Variants in WDR72 observed in about 807,000 individuals in gnomAD.
The protein encoded by WDR72 is WD repeat domain 72, also known as WD repeat-containing protein 72.
WDR72 carries 120 observed loss-of-function variants against 124.2 expected under a neutral mutation model. The observed-to-expected ratio is 0.97, with a 90% confidence interval of 0.83 to 1.12. The LOEUF (loss-of-function observed/expected upper bound fraction) is 1.12, where lower values mean the gene tolerates loss of function less well. WDR72 is among the 50% of genes most tolerant of loss of function. The probability of loss-of-function intolerance (pLI) is 0.00; values close to 1 mark genes in which losing one functional copy is unlikely to be tolerated. For missense variants in WDR72, 1,387 were observed against 1,278.8 expected (o/e 1.08, Z -1.29); for synonymous variants, 452 against 441.7 (o/e 1.02, Z -0.29).
intron 14 of WDR72, among the ~76,000 whole-genome samples, chr15:53,646,009 G>C (rs1177909856): frequency 6.6e-6 from 1 of 152,164 alleles, no homozygotes; most frequent in Admixed American, 6.6e-5. Flanking sequence ...CTGGATGTAT[G>C]ATGACCCTAT....
chr15:53,715,158 A>T, intron 5 of WDR72, 35 bp downstream of exon 5: 4 of 1,605,926 alleles, frequency 2.5e-6, no homozygotes, highest in Non-Finnish European at 3.4e-6. Flanking sequence ...TTTTATATGC[A>T]ATCTCTCTAC....
intron 17 of WDR72, among the ~76,000 whole-genome samples, 169 bp downstream of exon 17, chr15:53,609,330 CTAGTGAATGGTGTA>C (rs2013431747): frequency 6.6e-6 from 1 of 152,094 alleles, no homozygotes; most frequent in Admixed American, 6.6e-5. Flanking sequence ...TCACGCTCCC[CTAGTGAATGGTGTA>C]CCCTTGCTTA....
rs764173020 is a variant in WDR72 at position 53,699,852 on chromosome 15, T to G, written c.1663A>C (p.Lys555Gln). Residue 555 changes from lysine to glutamine, a missense_variant, in exon 13 of 20, where the codon AAG (lysine) becomes CAG (glutamine). Coordinates refer to ENST00000360509, the MANE Select transcript of WDR72 (RefSeq NM_182758.4). ...ATCATCCTCACAGGAAAAAGGTGCT[T>G]CCGGGCATGCAGGAGGCAACTCTTT... ...EGKSCLLHAR[K>Q]HLFPVRMIKW... 1 of 1,614,080 alleles carries G rather than the reference T, an allele frequency of 6.2e-7. No homozygotes were observed. Among genetic ancestry groups the G allele is most frequent in the Non-Finnish European group, 8.5e-7 (1 of 1,180,004 alleles).
intron 3 of WDR72, 30 bp from the exon 4 acceptor site, chr15:53,716,715 T>C (rs1017855416): frequency 2.6e-6 from 4 of 1,518,568 alleles, no homozygotes; most frequent in Non-Finnish European, 2.7e-6. Flanking sequence ...TGTTATTCTC[T>C]GTCATTTCCA....
At chr15:53,746,026 AAC>A (rs1431091533) in intron 1 of WDR72, among the ~76,000 whole-genome samples, 5 of 152,224 alleles carry the variant, frequency 3.3e-5, no homozygotes, top group African/African-American at 4.8e-5. Context: ...AATCAAGCAA[AAC>A]AAGAGCAATA....
At chr15:53,752,000 A>G (rs763675314) in intron 1 of WDR72, among the ~76,000 whole-genome samples, 2 of 152,198 alleles carry the variant, frequency 1.3e-5, no homozygotes, top group Non-Finnish European at 2.9e-5. Context: ...AGGTTTTTCA[A>G]ATCTCAAAAT....
chr15:53,629,925 C>T (rs1322940776), intron 14 of WDR72, among the ~76,000 whole-genome samples: 1 of 152,142 alleles, frequency 6.6e-6, no homozygotes, highest in East Asian at 1.9e-4. Flanking sequence ...TGAGGAGTCC[C>T]ATTTACCAAC....
chr15:53,710,388 C>G (rs1315466465), intron 9 of WDR72, among the ~76,000 whole-genome samples: 16 of 85,972 alleles, frequency 1.9e-4, no homozygotes, highest in Admixed American at 1.5e-3. Context: ...GAGAGAGAGA[C>G]AGAGAATGAG....
chr15:53,588,293 G>A lies in WDR72; in HGVS notation c.3148+8786C>T, dbSNP rs75878396. Among the ~76,000 whole-genome samples the A allele has an allele frequency of 4.1e-3, 616 of 152,090 alleles. 7 individuals are homozygous for A. Among genetic ancestry groups the A allele is most frequent in the African/African-American group, 0.014 (587 of 41,520 alleles). On this transcript the variant is annotated intron_variant, in intron 18 of 19. Coordinates refer to ENST00000360509, the MANE Select transcript of WDR72 (RefSeq NM_182758.4). ...GCTGCTAGGAGCACAAGATTAATAA[G>A]TTCCAACTTTTGCCCTCAAGGAGTT... is the stretch of plus-strand genomic sequence containing the variant.
At chr15:53,565,357 A>T (rs945828174) in intron 18 of WDR72, among the ~76,000 whole-genome samples, 2 of 151,922 alleles carry the variant, frequency 1.3e-5, no homozygotes, top group African/African-American at 2.4e-5. Flanking sequence ...TAAAAAGAAT[A>T]AACAATGAAA....
chr15:53,756,728 C>G (rs542820972), intron 1 of WDR72: 5 of 152,272 alleles, frequency 3.3e-5, no homozygotes, highest in African/African-American at 9.6e-5. Context: ...TTCATGCGGT[C>G]CTCATAATAT....
At chr15:53,582,342 T>C (rs16966234) in intron 18 of WDR72, among the ~76,000 whole-genome samples, 2,321 of 152,110 alleles carry the variant, frequency 0.015, 58 homozygotes, top group African/African-American at 0.053. Context: ...TTTCCCTGCA[T>C]AGACTTCTTC....
Position 53,726,413 on chromosome 15 carries a change from T to C in WDR72, c.154-3505A>G, listed in dbSNP as rs981493362. 9.2e-5 allele frequency among the ~76,000 whole-genome samples: 14 copies of C among 151,494 alleles called. No individual in the cohort carries two copies. In the East Asian group the frequency reaches 2.3e-3, roughly 25 times the overall value. ...CCTGTACCTTCCAGTCAGTTTTGCT[T>C]TAAACCTAAAACTGCTTTCAAAAAT... On this transcript the variant is annotated intron_variant, in intron 2 of 19. Coordinates refer to ENST00000360509, the MANE Select transcript of WDR72 (RefSeq NM_182758.4).
chr15:53,543,580 A>C (rs1288867532), intron 18 of WDR72, among the ~76,000 whole-genome samples: 3 of 150,940 alleles, frequency 2.0e-5, no homozygotes, highest in Admixed American at 1.3e-4. Context: ...TCACAATTAA[A>C]AGAACTAGAA....
At chr15:53,584,106 G>C (rs1383896150) in intron 18 of WDR72, among the ~76,000 whole-genome samples, 1 of 151,878 alleles carries the variant, frequency 6.6e-6, no homozygotes, top group Non-Finnish European at 1.5e-5. Flanking sequence ...AAAAAGGAAA[G>C]GGAAAAATTG....
In WDR72 at chr15:53,516,559, C is replaced by T. The variant is rs1891470531; in HGVS notation, c.*1140G>A. On this transcript the variant is annotated 3_prime_UTR_variant, in exon 20 of 20. Coordinates refer to ENST00000360509, the MANE Select transcript of WDR72 (RefSeq NM_182758.4). ...ATTATATAGTTCTCTTTTCTAATTT[C>T]CCCCTCTCCTGTCCACTGCATCCCA... 6.6e-6 allele frequency: 1 copy of T among 151,722 alleles called. No individual in the cohort carries two copies. Among genetic ancestry groups the T allele is most frequent in the African/African-American group, 2.4e-5 (1 of 41,318 alleles). 9.4% of individuals were successfully genotyped at this position (151,722 alleles called of 1,614,324 possible).
intron 18 of WDR72, among the ~76,000 whole-genome samples, chr15:53,545,869 T>C (rs1441414061): frequency 8.0e-6 from 1 of 125,698 alleles, no homozygotes. Flanking sequence ...GAACAGACAC[T>C]TCTCAAAAGA....
intron 1 of WDR72, among the ~76,000 whole-genome samples, chr15:53,756,350 G>A (rs2018906666): frequency 6.6e-6 from 1 of 152,182 alleles, no homozygotes; most frequent in Non-Finnish European, 1.5e-5. Context: ...CAGCCACGTG[G>A]AAATGTGAGT....
chr15:53,694,245 G>A (rs2016933372), intron 13 of WDR72, among the ~76,000 whole-genome samples: 1 of 152,186 alleles, frequency 6.6e-6, no homozygotes, highest in Non-Finnish European at 1.5e-5. Context: ...AGTAAGGGAA[G>A]CAATTTCAGC....
Sources: gnomAD v4.1 joint callset for allele counts (sites outside exome capture counted in the v4.1 genomes callset) on GRCh38, gnomAD v4.1.1 for gene constraint, MANE v1.5 for transcripts, NCBI Gene and HGNC (gene_info 2026-07-23, HGNC 2026-07-21) for gene names.